Variants in ESPN observed in about 807,000 individuals in gnomAD.
The protein encoded by ESPN is espin.
In ESPN, 68 loss-of-function variants were observed where a neutral mutation model predicts 77.7. The ratio of observed to expected loss-of-function variants is 0.87; its 90% CI spans 0.72 to 1.07. The LOEUF (loss-of-function observed/expected upper bound fraction) is 1.07, where lower values mean the gene tolerates loss of function less well. Among genes scored for constraint, ESPN ranks in the 50% least tolerant of loss-of-function variants. The probability of loss-of-function intolerance (pLI) is 0.00; values close to 1 mark genes in which losing one functional copy is unlikely to be tolerated. For synonymous variants in ESPN, 449 were observed against 567.1 expected, an observed-to-expected ratio of 0.79 and a Z score of 2.96; for missense variants, 1,060 against 1,239.0, an observed-to-expected ratio of 0.86 and a Z score of 2.17.
Position 6,451,495 on chromosome 1 carries a change from G to T in ESPN, c.1916-108G>T. On this transcript the variant is annotated intron_variant, in intron 8 of 12. Transcript: ENST00000645284. This position sits in a 1 kb window ranked among gnomAD's most constrained non-coding sequence, Gnocchi z 4.3. ...GAGCTGCCCGCTGGCCCGGAGGATG[G>T]GCACCCATCCAATCTTGGCTTAGGA... is the stretch of plus-strand genomic sequence containing the variant. 1 of 1,473,234 alleles carries T rather than the reference G, an allele frequency of 6.8e-7. No homozygotes were observed. The highest frequency in any genetic ancestry group is 9.3e-7 in the Non-Finnish European group (1 of 1,077,320). 91.3% of individuals were successfully genotyped at this position (1,473,234 alleles called of 1,614,324 possible).
Position 6,450,455 on chromosome 1 carries a change from C to G in ESPN, c.1916-1148C>G. On this transcript the variant is annotated intron_variant, in intron 8 of 12. Transcript: ENST00000645284. This position sits in a 1 kb window ranked among gnomAD's most constrained non-coding sequence, Gnocchi z 4.3. ...CTCTTGGTCCCTAGAAGTGAGAGTC[C>G]TGAGGCACAGGAAGAGTGAGTAGCT... The G allele has an allele frequency of 1.0e-6, 1 of 980,158 alleles. No individual in the cohort carries two copies. The highest frequency in any genetic ancestry group is 1.2e-6 in the Non-Finnish European group (1 of 824,774). The allele number at this position is 980,158 out of a possible 1,614,324, so 60.7% of individuals were successfully genotyped here.
intron 10 of ESPN, chr1:6,456,065 C>T (rs528853139): frequency 5.0e-6 from 2 of 397,528 alleles, no homozygotes; most frequent in Admixed American, 8.8e-5. Context: ...CTCCTGGTTC[C>T]GAAGCCCCCG....
chr1:6,452,595 G>T (rs1643969176), intron 10 of ESPN, among the ~76,000 whole-genome samples: 1 of 152,190 alleles, frequency 6.6e-6, no homozygotes, highest in Non-Finnish European at 1.5e-5. Flanking sequence ...CCTGGGATCT[G>T]GTTAAAAGGC....
intron 2 of ESPN, among the ~76,000 whole-genome samples, chr1:6,431,765 C>T (rs1250110896): frequency 2.0e-5 from 3 of 152,064 alleles, no homozygotes; most frequent in Non-Finnish European, 2.9e-5. Flanking sequence ...ATCTGAGCCA[C>T]ACAACCACCC....
chr1:6,430,755 G>C (rs1288111313), intron 2 of ESPN, among the ~76,000 whole-genome samples: 1 of 151,600 alleles, frequency 6.6e-6, no homozygotes, highest in Admixed American at 6.6e-5. Context: ...TGGGCAACAA[G>C]AGTGAAACTC....
chr1:6,455,298 G>C (rs1404927928), intron 10 of ESPN: 3 of 387,284 alleles, frequency 7.7e-6, no homozygotes, highest in Non-Finnish European at 1.4e-5. Context: ...CCTCTTCCTG[G>C]AGCACTGGCG....
At chr1:6,431,889 A>G (rs1223597089) in intron 2 of ESPN, among the ~76,000 whole-genome samples, 3 of 152,184 alleles carry the variant, frequency 2.0e-5, no homozygotes, top group Admixed American at 6.5e-5. Flanking sequence ...ATGCTGGTGA[A>G]CCAGACAAGC....
chr1:6,452,165 A>G, intron 10 of ESPN, 69 bp downstream of exon 10: 2 of 1,434,380 alleles, frequency 1.4e-6, no homozygotes, highest in Non-Finnish European at 9.2e-7. Flanking sequence ...CCCCCACGCC[A>G]CCCCCAACCC....
intron 12 of ESPN, among the ~76,000 whole-genome samples, chr1:6,458,076 C>T (rs1393010473): frequency 1.3e-5 from 2 of 151,126 alleles, no homozygotes; most frequent in Non-Finnish European, 2.9e-5. Context: ...ATCTGGAGTG[C>T]AGTGGCGATC....
At chr1:6,461,250 C>A (rs1644162587), downstream of ESPN, 7 of 785,796 alleles carry the variant, frequency 8.9e-6, 1 homozygote, top group South Asian at 8.8e-5. The surrounding 1 kb of genome is among the most constrained non-coding windows in gnomAD (Gnocchi z 6.3). Flanking sequence ...TCTCGACATT[C>A]GTTCGTGCTT....
In ESPN at chr1:6,454,678, C is replaced by T. The variant is rs1569743062; in HGVS notation, c.2326-2506C>T. On this transcript the variant is annotated intron_variant, in intron 10 of 12. Transcript: ENST00000645284. ...GCCGCCCTGTCGGCGCCGCGCTTCA[C>T]CGTCGATCCGCGCCGAATGCATGGC... is the stretch of plus-strand genomic sequence containing the variant. 7 of 398,788 alleles carry T rather than the reference C, an allele frequency of 1.8e-5. No homozygotes were observed. In the South Asian group the frequency reaches 6.4e-4, roughly 36 times the overall value. 24.7% of individuals were successfully genotyped at this position (398,788 alleles called of 1,614,324 possible).
rs1643920736 is a variant in ESPN at position 6,450,233 on chromosome 1, C to CA, written c.1915+1143dup. ...GGTGGCCCTGCCCAGCCCTCAGGGG[C>CA]ACCAGCCAAGCCAGGAACTCGATGG... On this transcript the variant is annotated intron_variant, in intron 8 of 12. Transcript: ENST00000645284. The surrounding 1 kb of genome is among the most constrained non-coding windows in gnomAD (Gnocchi z 4.3). 6.5e-6 allele frequency: 1 copy of CA among 152,792 alleles called. No individual in the cohort carries two copies. Among genetic ancestry groups the CA allele is most frequent in the Non-Finnish European group, 1.5e-5 (1 of 68,392 alleles). The allele number at this position is 152,792 out of a possible 1,614,324, so 9.5% of individuals were successfully genotyped here.
intron 10 of ESPN, chr1:6,456,223 C>A (rs1644055859): frequency 1.0e-5 from 4 of 396,240 alleles, no homozygotes; most frequent in Middle Eastern, 6.4e-4. Flanking sequence ...ATTCTCAGTT[C>A]ACCCTCGAGC....
chr1:6,424,975 TGCAGGCGGCGCG>T lies in ESPN; in HGVS notation c.26_37del (p.Ala9_Gln12del). 1 of 1,456,156 alleles carries T rather than the reference TGCAGGCGGCGCG, an allele frequency of 6.9e-7. No individual in the cohort carries two copies. The highest frequency in any genetic ancestry group is 9.0e-7 in the Non-Finnish European group (1 of 1,108,754). The allele number at this position is 1,456,156 out of a possible 1,614,324, so 90.2% of individuals were successfully genotyped here. ...GGCACCATGGCCCTGGAGCAGGCGC[TGCAGGCGGCGCG>T]GCAGGGCGAGCTGGACGTGCTGAGG... is the stretch of plus-strand genomic sequence containing the variant. On this transcript the variant is annotated inframe_deletion, in exon 1 of 13. Transcript: ENST00000645284.
chr1:6,445,661 C>T lies in ESPN; in HGVS notation c.1193-3C>T, dbSNP rs201999263. 333 of 1,612,172 alleles carry T rather than the reference C, an allele frequency of 2.1e-4. No individual in the cohort carries two copies. The African/African-American group carries it at 3.9e-3, about 19-fold the overall frequency. ...AATCTGGCCCTTCCTTCTGCCTCCC[C>T]AGGGCTTTCCAGCGCTAGAGCTGCA... is the stretch of plus-strand genomic sequence containing the variant. On this transcript the variant is annotated splice_polypyrimidine_tract_variant and splice_region_variant and intron_variant, in intron 6 of 12. Coordinates refer to ENST00000645284, the MANE Select transcript of ESPN (RefSeq NM_031475.3).
At chr1:6,456,248 C>G (rs372510181) in intron 10 of ESPN, 4 of 393,812 alleles carry the variant, frequency 1.0e-5, no homozygotes, top group Non-Finnish European at 1.8e-5. Flanking sequence ...TAACGTGGGC[C>G]TGGACGCCTG....
At chr1:6,440,230 A>T (rs1177873927) in intron 2 of ESPN, 24 bp from the exon 3 acceptor site, 1 of 1,546,652 alleles carries the variant, frequency 6.5e-7, no homozygotes, top group South Asian at 1.2e-5. Flanking sequence ...CTGAAAGCCC[A>T]CGGTGGGCGC....
intron 6 of ESPN, among the ~76,000 whole-genome samples, chr1:6,445,316 T>A (rs1216635427): frequency 6.6e-6 from 1 of 152,262 alleles, no homozygotes; most frequent in Non-Finnish European, 1.5e-5. Flanking sequence ...GATGGTGGCC[T>A]CCAGACCTGG....
intron 2 of ESPN, among the ~76,000 whole-genome samples, chr1:6,430,092 C>T (rs751633973): frequency 5.3e-5 from 8 of 152,206 alleles, no homozygotes; most frequent in Non-Finnish European, 1.0e-4. Context: ...GATTCCTGCT[C>T]ATCAAGGCTG....
Sources: gnomAD v4.1 joint callset for allele counts (sites outside exome capture counted in the v4.1 genomes callset) on GRCh38, gnomAD v4.1.1 for gene constraint, Gnocchi (gnomAD v3.1) non-coding constraint, MANE v1.5 for transcripts, NCBI Gene and HGNC (gene_info 2026-07-23, HGNC 2026-07-21) for gene names.